The following PCDHA5 variants were observed in gnomAD, a reference collection of about 807,000 sequenced individuals.
PCDHA5 encodes protocadherin alpha 5, also known as protocadherin alpha-5.
A neutral mutation model predicts 61.6 loss-of-function variants in PCDHA5; 43 were observed. The observed-to-expected ratio is 0.70, with a 90% CI of 0.55 to 0.90. The LOEUF is 0.90. Among genes scored for constraint, PCDHA5 ranks in the 40% least tolerant of loss-of-function variants. The probability of loss-of-function intolerance (pLI) is 0.00; values close to 1 mark genes in which losing one functional copy is unlikely to be tolerated. For synonymous variants in PCDHA5, 627 were observed against 543.9 expected, an observed-to-expected ratio of 1.15 and a Z score of -2.13; for missense variants, 1,298 against 1,222.7, an observed-to-expected ratio of 1.06 and a Z score of -0.92.
rs1469484046 is a variant in PCDHA5 at position 141,010,169 on chromosome 5, C to G, written c.*232C>G. ...CTCCACTCTGGCTTGTTTTCAGAAC[C>G]TAAAAAGCAGACCCAAGTTTCCTTT... On this transcript the variant is annotated 3_prime_UTR_variant, in exon 4 of 4. Coordinates refer to ENST00000529859, the MANE Select transcript of PCDHA5 (RefSeq NM_018908.3). 6.4e-7 allele frequency: 1 copy of G among 1,560,124 alleles called. No homozygotes were observed. The highest frequency in any genetic ancestry group is 8.7e-7 in the Non-Finnish European group (1 of 1,151,276).
chr5:140,995,379 G>T (rs1300023701), intron 3 of PCDHA5, among the ~76,000 whole-genome samples: 2 of 152,172 alleles, frequency 1.3e-5, no homozygotes, highest in East Asian at 1.9e-4. Context: ...CACGTACTGG[G>T]CAGGATAAAG....
At chr5:140,849,515 T>A (rs1400528164) in intron 1 of PCDHA5, 1 of 1,596,878 alleles carries the variant, frequency 6.3e-7, no homozygotes, top group Non-Finnish European at 8.6e-7. Flanking sequence ...TTGTGGAAGT[T>A]GTGGATGTAA....
intron 1 of PCDHA5, chr5:140,967,339 G>A (rs2153751436): frequency 6.2e-7 from 1 of 1,607,904 alleles, no homozygotes; most frequent in Non-Finnish European, 8.5e-7. Context: ...GCCCCAGCGA[G>A]CACTTCGAGC....
chr5:140,898,560 G>T lies in PCDHA5; in HGVS notation c.2352+74433G>T, dbSNP rs185604146. On this transcript the variant is annotated intron_variant, in intron 1 of 3. Coordinates refer to ENST00000529859, the MANE Select transcript of PCDHA5 (RefSeq NM_018908.3). ...TTCCATTTATCTATGTCTCTGTTTT[G>T]GTACCAGTGCCATGCTGTTTTGGTT... Among the ~76,000 whole-genome samples the T allele has an allele frequency of 5.1e-3, 775 of 152,210 alleles. 4 individuals carry two copies. The highest frequency in any genetic ancestry group is 8.5e-3 in the Non-Finnish European group (578 of 68,016).
intron 1 of PCDHA5, among the ~76,000 whole-genome samples, chr5:140,855,207 A>G (rs1554147686): frequency 6.7e-6 from 1 of 149,928 alleles, no homozygotes; most frequent in East Asian, 1.9e-4. Flanking sequence ...AATAGTTTCC[A>G]TTTATGAAGC....
intron 1 of PCDHA5, among the ~76,000 whole-genome samples, chr5:140,925,385 C>G (rs559735505): frequency 6.4e-4 from 97 of 152,144 alleles, no homozygotes; most frequent in Non-Finnish European, 1.2e-3. Context: ...AATGAGTCTC[C>G]TTTTGGCTCG....
intron 1 of PCDHA5, chr5:140,866,250 C>G (rs2049240306): frequency 6.6e-6 from 1 of 152,128 alleles, no homozygotes; most frequent in South Asian, 2.1e-4. Flanking sequence ...AAATGACACC[C>G]TTCTTTCTTT....
intron 1 of PCDHA5, chr5:140,828,967 C>G (rs1203175896): frequency 4.3e-6 from 7 of 1,614,068 alleles, no homozygotes; most frequent in Non-Finnish European, 5.9e-6. Context: ...TTATTGACCA[C>G]TTTAGCATAG....
intron 1 of PCDHA5, chr5:140,871,603 T>C (rs919844711): frequency 6.2e-6 from 9 of 1,443,200 alleles, no homozygotes; most frequent in Admixed American, 5.5e-5. Flanking sequence ...AACCAGTGTT[T>C]TGAATATTGT....
Position 140,823,759 on chromosome 5 carries a change from G to A in PCDHA5, c.1984G>A (p.Ala662Thr), listed in dbSNP as rs2150128860. 3.7e-6 allele frequency: 6 copies of A among 1,613,792 alleles called. No homozygotes were observed. Among genetic ancestry groups the A allele is most frequent in the South Asian group, 2.2e-5 (2 of 91,092 alleles). ...DHGEPPLTAT[A>T]TVLVSLVESG... ...TGGAGAGCCCCCGCTGACAGCCACA[G>A]CCACAGTGCTGGTGTCGCTGGTGGA... Residue 662 changes from alanine (A) to threonine (T), a missense_variant, in exon 1 of 4, where the codon GCC (alanine) becomes ACC (threonine). Ala to Thr is a moderately conservative substitution (Grantham distance 58). Transcript: ENST00000529859.
intron 1 of PCDHA5, among the ~76,000 whole-genome samples, chr5:140,885,621 T>G (rs528108703): frequency 1.3e-5 from 2 of 152,188 alleles, no homozygotes; most frequent in Non-Finnish European, 2.9e-5. Context: ...ATAAAATATG[T>G]CACTGGATTG....
In PCDHA5 at chr5:140,848,822, C is replaced by T. The variant is rs2150421511; in HGVS notation, c.2352+24695C>T. The T allele has an allele frequency of 1.9e-6, 3 of 1,590,462 alleles. 1 individual carries two copies. The highest frequency in any genetic ancestry group is 3.4e-5 in the Admixed American group (2 of 58,802). ...AGTGCAGCATCCACCTGGAGGTGATCGTAGACAGGCCGCTGCAGGTTTTCC... is the reference window on the plus strand; with the variant it reads ...AGTGCAGCATCCACCTGGAGGTGATTGTAGACAGGCCGCTGCAGGTTTTCC... On this transcript the variant is annotated intron_variant, in intron 1 of 3. Transcript: ENST00000529859.
intron 1 of PCDHA5, among the ~76,000 whole-genome samples, chr5:140,905,962 G>A (rs2072248192): frequency 6.6e-6 from 1 of 152,198 alleles, no homozygotes; most frequent in Non-Finnish European, 1.5e-5. Flanking sequence ...TTCAAGGGGA[G>A]GAAGATCCAG....
chr5:140,852,589 T>TA (rs1324602977), intron 1 of PCDHA5: 6 of 884,534 alleles, frequency 6.8e-6, no homozygotes, highest in African/African-American at 2.0e-5. Flanking sequence ...TTTATTTTTT[T>TA]TTTTTGTCAT....
intron 1 of PCDHA5, chr5:140,843,679 C>A (rs2150364894): frequency 1.3e-6 from 2 of 1,589,886 alleles, no homozygotes; most frequent in African/African-American, 1.3e-5. Context: ...TTGATGTAGG[C>A]GAAGAGCAAG....
intron 1 of PCDHA5, chr5:140,858,627 T>A: frequency 1.8e-6 from 2 of 1,097,414 alleles, no homozygotes; most frequent in South Asian, 1.7e-5. Flanking sequence ...ACCCAGTGTG[T>A]CAGCCTTTGA....
At chr5:140,897,580 G>A (rs1420816335) in intron 1 of PCDHA5, among the ~76,000 whole-genome samples, 1 of 151,964 alleles carries the variant, frequency 6.6e-6, no homozygotes, top group African/African-American at 2.4e-5. Flanking sequence ...TCTTAATCCA[G>A]TCTGTCATTG....
rs139245496 is a variant in PCDHA5, at chr5:140,822,899, A to T, written c.1124A>T (p.Asp375Val). ...STVIALISVS[D>V]RDSGANGQVT... ...GTCATTGCTCTGATCAGCGTGTCTGACCGTGACTCAGGTGCCAACGGGCAG... is the reference window on the plus strand; with the variant it reads ...GTCATTGCTCTGATCAGCGTGTCTGTCCGTGACTCAGGTGCCAACGGGCAG... Residue 375 changes from aspartate to valine, a missense_variant, in exon 1 of 4, where the codon GAC becomes GTC. Transcript: ENST00000529859. The T allele has an allele frequency of 4.7e-4, 756 of 1,614,196 alleles. 1 individual carries two copies. Among genetic ancestry groups the T allele is most frequent in the Admixed American group, 7.3e-4 (44 of 60,034 alleles).
intron 1 of PCDHA5, chr5:140,929,602 A>G: frequency 2.4e-6 from 1 of 417,610 alleles, no homozygotes; most frequent in Non-Finnish European, 4.3e-6. Flanking sequence ...CTAAAATTAA[A>G]AATAAAATAC....
Sources: gnomAD v4.1 joint callset for allele counts (sites outside exome capture counted in the v4.1 genomes callset) on GRCh38, gnomAD v4.1.1 for gene constraint, MANE v1.5 for transcripts, NCBI Gene and HGNC (gene_info 2026-07-23, HGNC 2026-07-21) for gene names.